ZNF648: variants seen among roughly 807,000 people sequenced by gnomAD.
ZNF648 encodes the protein zinc finger protein 648.
Under a neutral mutation model 0.3 loss-of-function variants are expected in ZNF648, and 1 was observed. That is an observed-to-expected ratio of 3.90 (90% confidence interval 1.39 to 18.51). The LOEUF is 18.51. Ranked by LOEUF, ZNF648 falls within the 30% of genes most tolerant of loss-of-function variation. The pLI, the probability that ZNF648 is intolerant of heterozygous loss-of-function variation, is 0.11. For missense variants in ZNF648, 874 were observed against 769.7 expected, an observed-to-expected ratio of 1.14 and a Z score of -1.60; for synonymous variants, 376 against 326.8, an observed-to-expected ratio of 1.15 and a Z score of -1.62.
chr1:182,069,587 A>C, the ZNF648 span, among the ~76,000 whole-genome samples: 1 of 152,288 alleles, frequency 6.6e-6, no homozygotes, highest in East Asian at 1.9e-4. Context: ...AAGCATGTCT[A>C]TTCTTTGAAA....
At position 182,057,306 on chromosome 1, in the gene ZNF648, G is replaced by C. The variant is rs757079574; in HGVS notation, c.705C>G (p.Asn235Lys). ...CTCCGCCCTCGCGCCGGCCCGCCTGGTTCTGTACTTTCCTGCTGTTCCGCG... is the reference window on the plus strand; with the variant it reads ...CTCCGCCCTCGCGCCGGCCCGCCTGCTTCTGTACTTTCCTGCTGTTCCGCG... ...AKARNSRKVQ[N>K]QAGRREGGEA... The change falls in exon 2 of 2, where the codon AAC becomes AAG. Residue 235 changes from asparagine to lysine, a missense_variant. Transcript: ENST00000339948. 6.9e-6 allele frequency: 11 copies of C among 1,604,246 alleles called. No homozygotes were observed. The African/African-American group carries it at 9.3e-5, about 14-fold the overall frequency.
Position 182,057,942 on chromosome 1 carries a change from A to G in ZNF648, c.69T>C (p.Ala23=). Residue 23 remains alanine (A), a synonymous_variant, in exon 2 of 2, where the codon GCT becomes GCC. Transcript: ENST00000339948. The part of the protein sequence containing the change: ...ASPLSSLTEE[A]HDTQMLSMNL... The stretch of plus-strand genomic sequence containing the variant: ...TCATGCTCAGCATCTGGGTGTCATG[A>G]GCTTCCTCAGTCAAGCTGCTGAGAG... 6.2e-7 allele frequency: 1 copy of G among 1,613,912 alleles called. No individual in the cohort carries two copies. Among genetic ancestry groups the G allele is most frequent in the Non-Finnish European group, 8.5e-7 (1 of 1,179,996 alleles).
intron 1 of ZNF648, among the ~76,000 whole-genome samples, chr1:182,060,817 C>T (rs1397051585): frequency 6.6e-6 from 1 of 152,208 alleles, no homozygotes; most frequent in Admixed American, 6.5e-5. Context: ...GTATGAAACA[C>T]ATGTCTTAGG....
At chr1:182,059,442 G>A (rs566436029) in intron 1 of ZNF648, among the ~76,000 whole-genome samples, 120 of 152,268 alleles carry the variant, frequency 7.9e-4, no homozygotes, top group Non-Finnish European at 8.8e-4. Context: ...CCTCTCCAGG[G>A]GGACAACTGT....
intron 1 of ZNF648, among the ~76,000 whole-genome samples, chr1:182,058,814 A>G (rs1376674731): frequency 6.6e-6 from 1 of 151,938 alleles, no homozygotes. Context: ...TTTACATTTT[A>G]TGTCTCATTT....
chr1:182,069,080 A>G, the ZNF648 span: 1 of 125,650 alleles, frequency 8.0e-6, no homozygotes, highest in Non-Finnish European at 1.7e-5. Context: ...CGCCTTGGGC[A>G]GGTGCTGTCT....
In ZNF648 at chr1:182,055,963, T is replaced by G; in HGVS notation, c.*341A>C. ...TTAGTCTTTTTCCCCACCTTATCCC[T>G]GGAGCCCGGCCCAGTGCCCAGCATG... On this transcript the variant is annotated 3_prime_UTR_variant, in exon 2 of 2. Transcript: ENST00000339948. The surrounding 1 kb of genome is among the most constrained non-coding windows in gnomAD (Gnocchi z 4.1). 3.5e-6 allele frequency: 1 copy of G among 285,278 alleles called. No individual in the cohort carries two copies. The highest frequency in any genetic ancestry group is 6.0e-5 in the South Asian group (1 of 16,774). The allele number at this position is 285,278 out of a possible 1,614,324, so 17.7% of individuals were successfully genotyped here.
chr1:182,063,301 C>T (rs1666054876), upstream of ZNF648: 1 of 152,228 alleles, frequency 6.6e-6, no homozygotes, highest in Non-Finnish European at 1.5e-5. Context: ...AATGGTTGAA[C>T]TAATTTACAT....
upstream of ZNF648, chr1:182,062,951 T>C (rs1488463665): frequency 6.6e-6 from 1 of 152,202 alleles, no homozygotes; most frequent in Non-Finnish European, 1.5e-5. Context: ...AGTGAGAACA[T>C]GCGGTGTTTG....
Position 182,057,677 on chromosome 1 carries a change from CGTT to C in ZNF648, c.331_333del (p.Asn111del), listed in dbSNP as rs1390214990. ...CTTGCTCCCGGGGAACCCTGGGTCT[CGTT>C]GATCTTTGTCACATCTCTGCTCCAA... On this transcript the variant is annotated inframe_deletion, in exon 2 of 2. Transcript: ENST00000339948. 6.8e-6 allele frequency: 11 copies of C among 1,614,226 alleles called. No homozygotes were observed. The highest frequency in any genetic ancestry group is 9.3e-6 in the Non-Finnish European group (11 of 1,180,050).
chr1:182,058,708 C>T (rs1030650247), intron 1 of ZNF648, among the ~76,000 whole-genome samples: 1 of 152,204 alleles, frequency 6.6e-6, no homozygotes, highest in Non-Finnish European at 1.5e-5. Flanking sequence ...TCCTAACTGC[C>T]AGGAAGGCTA....
At chr1:182,069,295 C>T in the ZNF648 span, 1 of 152,224 alleles carries the variant, frequency 6.6e-6, no homozygotes, top group Non-Finnish European at 1.5e-5. Flanking sequence ...ACACGCCTCT[C>T]CTCGCAGCTG....
At chr1:182,066,790 G>A in the ZNF648 span, among the ~76,000 whole-genome samples, 2 of 152,176 alleles carry the variant, frequency 1.3e-5, no homozygotes, top group African/African-American at 4.8e-5. Flanking sequence ...AGTGTTAGCT[G>A]TATAGTCATT....
upstream of ZNF648, chr1:182,062,834 C>T (rs1212533902): frequency 6.6e-6 from 1 of 152,194 alleles, no homozygotes; most frequent in East Asian, 1.9e-4. Context: ...CATGCATTAG[C>T]TATTTTTCCT....
At chr1:182,064,162 T>C (rs995040314), upstream of ZNF648, 1 of 152,220 alleles carries the variant, frequency 6.6e-6, no homozygotes, top group African/African-American at 2.4e-5. Context: ...TATTTTTGCT[T>C]AGGATTGTCT....
At chr1:182,065,608 G>A (rs1557979724), upstream of ZNF648, among the ~76,000 whole-genome samples, 1 of 152,314 alleles carries the variant, frequency 6.6e-6, no homozygotes, top group East Asian at 1.9e-4. Context: ...ACCTAGTGGT[G>A]AATGGGACCA....
upstream of ZNF648, chr1:182,064,263 T>C (rs1666068789): frequency 6.6e-6 from 1 of 152,238 alleles, no homozygotes; most frequent in African/African-American, 2.4e-5. Flanking sequence ...TTAATGGGAA[T>C]AGCACTGAAT....
chr1:182,069,537 C>G, the ZNF648 span, among the ~76,000 whole-genome samples: 1 of 152,138 alleles, frequency 6.6e-6, no homozygotes, highest in African/African-American at 2.4e-5. Flanking sequence ...ATTCTCCTGG[C>G]AGGATGAGCT....
At chr1:182,069,311 C>T in the ZNF648 span, 1 of 152,376 alleles carries the variant, frequency 6.6e-6, no homozygotes, top group East Asian at 1.9e-4. Flanking sequence ...AGCTGTCTAG[C>T]TCGGCTGCCT....
Sources: allele counts gnomAD v4.1 joint callset (sites outside exome capture counted in the v4.1 genomes callset), GRCh38; gene constraint gnomAD v4.1.1; non-coding constraint Gnocchi (gnomAD v3.1); transcripts MANE v1.5; gene names NCBI Gene and HGNC (gene_info 2026-07-23, HGNC 2026-07-21).